The following NPC1L1 variants were observed in gnomAD, a reference collection of about 807,000 sequenced individuals.
NPC1L1 encodes NPC1 like intracellular cholesterol transporter 1.
A neutral mutation model predicts 117.0 loss-of-function variants in NPC1L1; 98 were observed. The ratio of observed to expected loss-of-function variants is 0.84; its 90% CI spans 0.71 to 0.99. NPC1L1 has a LOEUF of 0.99. NPC1L1 is among the 50% of genes least tolerant of loss of function. The pLI is 0.00. For synonymous variants in NPC1L1, 729 were observed against 727.6 expected, an observed-to-expected ratio of 1.00 and a Z score of -0.03; for missense variants, 1,540 against 1,710.0, an observed-to-expected ratio of 0.90 and a Z score of 1.75.
Position 44,534,368 on chromosome 7 carries a change from C to A in NPC1L1, c.2166+79G>T. Reference sequence around the variant, plus strand: ...TGCAGGGAGACCCAGCAAATTCACGCCAGAGTCCCATCAGGCCAGGAGGTG... The same window carrying A: ...TGCAGGGAGACCCAGCAAATTCACGACAGAGTCCCATCAGGCCAGGAGGTG... On this transcript the variant is annotated intron_variant, in intron 6 of 18. Coordinates refer to ENST00000381160, the MANE Select transcript of NPC1L1 (RefSeq NM_001101648.2). This position sits in a 1 kb window ranked among gnomAD's most constrained non-coding sequence, Gnocchi z 5.2. 1 of 1,449,232 alleles carries A rather than the reference C, an allele frequency of 6.9e-7. No homozygotes were observed. Among genetic ancestry groups the A allele is most frequent in the Non-Finnish European group, 9.7e-7 (1 of 1,030,030 alleles). The allele number at this position is 1,449,232 out of a possible 1,614,324, so 89.8% of individuals were successfully genotyped here.
chr7:44,535,762 G>A (rs1421231208), intron 5 of NPC1L1, 78 bp downstream of exon 5: 12 of 1,603,204 alleles, frequency 7.5e-6, no homozygotes, highest in African/African-American at 2.7e-5. Flanking sequence ...GCTGTGGTTA[G>A]GAAAGTTGTA....
Position 44,538,606 on chromosome 7 carries a change from C to G in NPC1L1, c.1580+211G>C, listed in dbSNP as rs781571428. 6.6e-6 allele frequency among the ~76,000 whole-genome samples: 1 copy of G among 152,248 alleles called. No homozygotes were observed. The highest frequency in any genetic ancestry group is 1.5e-5 in the Non-Finnish European group (1 of 68,052). ...GGGCCAGCGATGGCCACGCACAAAC[C>G]TGCAGCCATGAGCAGGAACTCTGAC... On this transcript the variant is annotated intron_variant, in intron 2 of 18. Transcript: ENST00000381160. The surrounding 1 kb of genome is among the most constrained non-coding windows in gnomAD (Gnocchi z 5.9).
rs763629958 is a variant in NPC1L1, at chr7:44,532,093, G to A, written c.2534C>T (p.Thr845Ile). 1 of 1,614,208 alleles carries A rather than the reference G, an allele frequency of 6.2e-7. No homozygotes were observed. Among genetic ancestry groups the A allele is most frequent in the East Asian group, 2.2e-5 (1 of 44,882 alleles). Residue 845 changes from threonine to isoleucine, a missense_variant, in exon 9 of 19, where the codon ACT (threonine) becomes ATT (isoleucine). Transcript: ENST00000381160. ...AYAPFLLHWI[T>I]RGVVLLLFLA... ...AGGCCCACTCACCACAACACCTCGA[G>A]TGATCCAGTGCAGCAGGAAGGGGGC...
intron 10 of NPC1L1, among the ~76,000 whole-genome samples, chr7:44,527,461 CAAAAAAAAAAAAA>C (rs1160435212): frequency 7.5e-5 from 3 of 40,106 alleles, no homozygotes; most frequent in Non-Finnish European, 1.5e-4. Context: ...AACAACTTCT[CAAAAAAAAAAAAA>C]AAAAAAAAAA....
rs749696816 is a variant in NPC1L1 at position 44,534,320 on chromosome 7, C to T, written c.2166+127G>A. 2.4e-5 allele frequency: 21 copies of T among 873,558 alleles called. No homozygotes were observed. Among genetic ancestry groups the T allele is most frequent in the Non-Finnish European group, 3.1e-5 (16 of 511,198 alleles). The allele number at this position is 873,558 out of a possible 1,614,324, so 54.1% of individuals were successfully genotyped here. ...AGTTTCTACAGATATTGTAAACATG[C>T]GTGTCGATGAACAGAAAGAGTCTGC... On this transcript the variant is annotated intron_variant, in intron 6 of 18. Coordinates refer to ENST00000381160, the MANE Select transcript of NPC1L1 (RefSeq NM_001101648.2). The surrounding 1 kb of genome is among the most constrained non-coding windows in gnomAD (Gnocchi z 5.2).
chr7:44,522,041 C>A lies in NPC1L1; in HGVS notation c.2828+11G>T, dbSNP rs1221046422. 6.2e-7 allele frequency: 1 copy of A among 1,613,420 alleles called. No homozygotes were observed. The highest frequency in any genetic ancestry group is 1.7e-5 in the Admixed American group (1 of 59,988). ...GAGTAGGCTGGGGTTTGGGGCGGGC[C>A]AGGAACTCACTGCTCAGGGAACTCT... On this transcript the variant is annotated intron_variant, in intron 11 of 18. Coordinates refer to ENST00000381160, the MANE Select transcript of NPC1L1 (RefSeq NM_001101648.2).
Position 44,539,554 on chromosome 7 carries a change from C to G in NPC1L1, c.843G>C (p.Met281Ile), listed in dbSNP as rs748233093. 6.2e-7 allele frequency: 1 copy of G among 1,614,080 alleles called. No homozygotes were observed. Among genetic ancestry groups the G allele is most frequent in the Non-Finnish European group, 8.5e-7 (1 of 1,179,996 alleles). The change falls in exon 2 of 19, where the codon ATG (methionine) becomes ATC (isoleucine). Residue 281 changes from methionine to isoleucine, a missense_variant. Around this residue, in one of 3 missense-constraint regions of NPC1L1, gnomAD observed 793 missense variants for 820.4 expected, o/e 0.97. Transcript: ENST00000381160. The surrounding 1 kb of genome is among the most constrained non-coding windows in gnomAD (Gnocchi z 4.4). ...ALDSTFYLGQ[M>I]PGSLVLIIIL... ...TGATGATGAGGACCAGACTGCCCGG[C>G]ATCTGGCCCAGGTAGAAGGTGGAGT...
chr7:44,531,129 G>A (rs1184086159), intron 10 of NPC1L1, among the ~76,000 whole-genome samples: 3 of 152,176 alleles, frequency 2.0e-5, no homozygotes, highest in Non-Finnish European at 4.4e-5. Flanking sequence ...CATGGCCACC[G>A]CTGATGCATA....
At chr7:44,541,131 C>A (rs927971843) in intron 1 of NPC1L1, 75 bp downstream of exon 1, 1 of 1,488,044 alleles carries the variant, frequency 6.7e-7, no homozygotes, top group South Asian at 1.2e-5. Flanking sequence ...CAGTAACGCT[C>A]GCCTGGTACA....
At chr7:44,523,707 A>G (rs1005789076) in intron 10 of NPC1L1, among the ~76,000 whole-genome samples, 1 of 152,202 alleles carries the variant, frequency 6.6e-6, no homozygotes, top group Non-Finnish European at 1.5e-5. Context: ...CTACAAAAAA[A>G]AATACAAAAG....
At chr7:44,525,744 T>G (rs1801495018) in intron 10 of NPC1L1, among the ~76,000 whole-genome samples, 1 of 152,158 alleles carries the variant, frequency 6.6e-6, no homozygotes, top group African/African-American at 2.4e-5. Context: ...AAATAAGTTT[T>G]TTAAAAAATA....
At chr7:44,519,235 C>G (rs555744479) in intron 14 of NPC1L1, among the ~76,000 whole-genome samples, 13 of 152,262 alleles carry the variant, frequency 8.5e-5, no homozygotes, top group Non-Finnish European at 1.6e-4. Flanking sequence ...GCTGATGCTG[C>G]TGGCTGGGGG....
At chr7:44,528,690 G>C (rs897741046) in intron 10 of NPC1L1, among the ~76,000 whole-genome samples, 2 of 152,136 alleles carry the variant, frequency 1.3e-5, no homozygotes, top group Non-Finnish European at 2.9e-5. Flanking sequence ...AAGGCATATA[G>C]AAAACAAATA....
rs552387776 is a variant in NPC1L1, at chr7:44,517,369, T to C, written c.3137-12A>G. On this transcript the variant is annotated splice_polypyrimidine_tract_variant and intron_variant, in intron 14 of 18. Coordinates refer to ENST00000381160, the MANE Select transcript of NPC1L1 (RefSeq NM_001101648.2). Reference sequence around the variant, plus strand: ...CATGAACCTGGAGGCTGGACAGCCATGGCACACAGAAGATGGAAGGGCAAA... The same window carrying C: ...CATGAACCTGGAGGCTGGACAGCCACGGCACACAGAAGATGGAAGGGCAAA... The C allele has an allele frequency of 3.4e-5, 55 of 1,609,230 alleles. No individual in the cohort carries two copies. The African/African-American group carries it at 3.7e-4, about 11-fold the overall frequency.
intron 10 of NPC1L1, among the ~76,000 whole-genome samples, chr7:44,524,188 T>G (rs1456187111): frequency 1.3e-5 from 2 of 152,028 alleles, no homozygotes; most frequent in Admixed American, 6.6e-5. Flanking sequence ...AAAAATGCAG[T>G]CTCAAAAATA....
Position 44,513,545 on chromosome 7 carries a change from T to C in NPC1L1, c.3901A>G (p.Thr1301Ala), listed in dbSNP as rs776319918. The change falls in exon 19 of 19, where the codon ACA becomes GCA. Residue 1301 changes from threonine (T) to alanine (A), a missense_variant. Thr to Ala is a moderately conservative substitution (Grantham distance 58, BLOSUM62 0). Around this residue, in one of 3 missense-constraint regions of NPC1L1, gnomAD observed 742 missense variants for 873.6 expected, o/e 0.85. Coordinates refer to ENST00000381160, the MANE Select transcript of NPC1L1 (RefSeq NM_001101648.2). ...TGGTTGACATAGATGTTGTCAGCTG[T>C]GGAGACTCGGGAGGGGTGATTTGGG... ...SCPNHPSRVSTADNIYVNHSF... is the reference protein window; with the variant it reads ...SCPNHPSRVSAADNIYVNHSF... 1 of 1,614,144 alleles carries C rather than the reference T, an allele frequency of 6.2e-7. No individual in the cohort carries two copies. The highest frequency in any genetic ancestry group is 1.1e-5 in the South Asian group (1 of 91,086).
rs958034329 is a variant in NPC1L1 at position 44,521,964 on chromosome 7, G to T, written c.2828+88C>A. The T allele has an allele frequency of 3.8e-6, 6 of 1,593,582 alleles. No homozygotes were observed. In the African/African-American group the frequency reaches 4.0e-5, roughly 11 times the overall value. On this transcript the variant is annotated intron_variant, in intron 11 of 18. Coordinates refer to ENST00000381160, the MANE Select transcript of NPC1L1 (RefSeq NM_001101648.2). Reference sequence around the variant, plus strand: ...CAAGGCAGCAGGGCAGCAGGACAGGGATAGAACATCAGGAAGAGGGGACTG... The same window carrying T: ...CAAGGCAGCAGGGCAGCAGGACAGGTATAGAACATCAGGAAGAGGGGACTG...
Position 44,533,682 on chromosome 7 carries a change from C to T in NPC1L1, c.2281+57G>A, listed in dbSNP as rs556108349. 5.2e-5 allele frequency: 83 copies of T among 1,606,670 alleles called. 1 individual carries two copies. The East Asian group carries it at 7.1e-4, about 14-fold the overall frequency. ...CCACTGCCCTCTGGGAACTCCTAGGCCCCGGCACTAACCCAGCAAGCCTAA... is the reference window on the plus strand; with the variant it reads ...CCACTGCCCTCTGGGAACTCCTAGGTCCCGGCACTAACCCAGCAAGCCTAA... On this transcript the variant is annotated intron_variant, in intron 7 of 18. Transcript: ENST00000381160.
chr7:44,531,707 C>G, intron 10 of NPC1L1, 48 bp downstream of exon 10: 1 of 1,519,584 alleles, frequency 6.6e-7, no homozygotes, highest in Non-Finnish European at 8.9e-7. Flanking sequence ...TGCTACTGCC[C>G]CTCCCCAAAT....
Sources: gnomAD v4.1 joint callset for allele counts (sites outside exome capture counted in the v4.1 genomes callset) on GRCh38, gnomAD v4.1.1 for gene constraint, gnomAD v4.1.1 regional missense constraint, Gnocchi (gnomAD v3.1) non-coding constraint, MANE v1.5 for transcripts, NCBI Gene and HGNC (gene_info 2026-07-23, HGNC 2026-07-21) for gene names.